CIC: variants seen among roughly 807,000 people sequenced by gnomAD.
CIC encodes capicua transcriptional repressor.
Under a neutral mutation model 115.7 loss-of-function variants are expected in CIC, and 18 were observed. The observed-to-expected ratio is 0.16, with a 90% CI of 0.11 to 0.23. The LOEUF is 0.23. Ranked by LOEUF, CIC falls within the 10% of genes least tolerant of loss-of-function variation. The pLI, the probability that CIC is intolerant of heterozygous loss-of-function variation, is 1.00. For missense variants in CIC, 2,000 were observed against 2,159.3 expected, an observed-to-expected ratio of 0.93 and a Z score of 1.46; for synonymous variants, 1,076 against 923.0, an observed-to-expected ratio of 1.17 and a Z score of -3.01.
rs1222186502 is a variant in CIC, at chr19:42,286,841, C to G, written c.2865C>G (p.Pro955=). 6.2e-7 allele frequency: 1 copy of G among 1,613,838 alleles called. No individual in the cohort carries two copies. The highest frequency in any genetic ancestry group is 1.3e-5 in the African/African-American group (1 of 74,910). The change falls in exon 3 of 21, where the codon CCC becomes CCG. Residue 955 remains proline, a synonymous_variant. Coordinates refer to ENST00000681038, the MANE Select transcript of CIC (RefSeq NM_001386298.1). ...ACTCCTTAGTCCCCTTCCTGGCACC[C>G]AGCCAGCCTGACCCCTCCGTGCAGC... ...PWHSLVPFLA[P]SQPDPSVQPS... is the part of the protein sequence containing the mutation.
In CIC at chr19:42,295,143, G is replaced by GGGGGCCCCCCCC; in HGVS notation, c.7506_7507insGGGGCCCCCCCC (p.Gln2502_Pro2503insGlyAlaProPro). 78 of 1,382,548 alleles carry GGGGGCCCCCCCC rather than the reference G, an allele frequency of 5.6e-5. No individual in the cohort carries two copies. The highest frequency in any genetic ancestry group is 7.3e-5 in the Non-Finnish European group (76 of 1,037,648). The allele number at this position is 1,382,548 out of a possible 1,614,324, so 85.6% of individuals were successfully genotyped here. On this transcript the variant is annotated inframe_insertion, in exon 21 of 21. Coordinates refer to ENST00000681038, the MANE Select transcript of CIC (RefSeq NM_001386298.1). ...AGCCTGGCTGGGAGGGGGCTCCCCAGCCCTCCCCCCCACCCCCAGGTCCCT... is the reference window on the plus strand; with the variant it reads ...AGCCTGGCTGGGAGGGGGCTCCCCAGGGGGCCCCCCCCCCCTCCCCCCCACCCCCAGGTCCCT...
intron 1 of CIC, among the ~76,000 whole-genome samples, chr19:42,271,027 C>G (rs1197818620): frequency 2.3e-5 from 3 of 128,946 alleles, no homozygotes; most frequent in African/African-American, 8.6e-5. Context: ...CAGCTGCCCA[C>G]TTCTTCCCAC....
At chr19:42,277,926 C>G (rs1337108027) in intron 2 of CIC, among the ~76,000 whole-genome samples, 1 of 152,260 alleles carries the variant, frequency 6.6e-6, no homozygotes, top group Admixed American at 6.5e-5. Flanking sequence ...AGGTAGGCAG[C>G]TTGGAGCCTT....
rs1457709422 is a variant in CIC at position 42,293,770 on chromosome 19, C to T, written c.6701C>T (p.Ala2234Val). The change falls in exon 17 of 21, where the codon GCT becomes GTT. Residue 2234 changes from alanine to valine, a missense_variant. This residue lies in a region of CIC where 1,466 missense variants were observed against 1,390.4 expected (regional missense o/e 1.05). Transcript: ENST00000681038. ...GACACCCCGGAGCGCAAGGAGGCGG[C>T]TGGTACTGGCAAGAAGGTGAAGGTG... ...AGDTPERKEA[A>V]GTGKKVKVRP... is the part of the protein sequence containing the mutation. The T allele has an allele frequency of 6.2e-7, 1 of 1,612,842 alleles. No homozygotes were observed. Among genetic ancestry groups the T allele is most frequent in the Admixed American group, 1.7e-5 (1 of 60,022 alleles).
chr19:42,291,798 C>T (rs2038135411), intron 12 of CIC, 53 bp downstream of exon 12: 1 of 1,598,346 alleles, frequency 6.3e-7, no homozygotes, highest in Non-Finnish European at 8.6e-7. Flanking sequence ...TGTACCCCAT[C>T]ATTTCTTTGT....
In CIC at chr19:42,295,239, G is replaced by A; in HGVS notation, c.*48G>A. On this transcript the variant is annotated 3_prime_UTR_variant, in exon 21 of 21. Transcript: ENST00000681038. Reference sequence around the variant, plus strand: ...GACTTATAGTACCCCCTCAGGACATGGACAGTATGTGGGGGCAGGAAGGTT... The same window carrying A: ...GACTTATAGTACCCCCTCAGGACATAGACAGTATGTGGGGGCAGGAAGGTT... 2.7e-6 allele frequency: 4 copies of A among 1,506,030 alleles called. No homozygotes were observed. Among genetic ancestry groups the A allele is most frequent in the Non-Finnish European group, 3.6e-6 (4 of 1,121,586 alleles). The allele number at this position is 1,506,030 out of a possible 1,614,324, so 93.3% of individuals were successfully genotyped here.
Position 42,286,891 on chromosome 19 carries a change from G to C in CIC, c.2915G>C (p.Ser972Thr), listed in dbSNP as rs749218394. Residue 972 changes from serine (S) to threonine (T), a missense_variant, in exon 3 of 21, where the codon AGC (serine) becomes ACC (threonine). By Grantham distance (58) the Ser-to-Thr change is moderately conservative. Coordinates refer to ENST00000681038, the MANE Select transcript of CIC (RefSeq NM_001386298.1). ...VQPSEAQQPA[S>T]HPVASNQSKE... ...CCGAGCGAGGCCCAGCAACCTGCCA[G>C]CCACCCAGTGGCCTCCAACCAGAGC... 1 of 1,612,132 alleles carries C rather than the reference G, an allele frequency of 6.2e-7. No homozygotes were observed. The highest frequency in any genetic ancestry group is 1.7e-5 in the Admixed American group (1 of 59,980).
intron 3 of CIC, 37 bp downstream of exon 3, chr19:42,286,957 T>C (rs780954861): frequency 1.4e-5 from 22 of 1,608,166 alleles, no homozygotes; most frequent in Non-Finnish European, 1.9e-5. Flanking sequence ...GGCAAGGGTG[T>C]GGGGTCCAGG....
Position 42,287,880 on chromosome 19 carries a change from C to T in CIC, c.3563C>T (p.Ser1188Leu). 6.2e-7 allele frequency: 1 copy of T among 1,611,998 alleles called. No homozygotes were observed. Residue 1188 changes from serine to leucine, a missense_variant, in exon 7 of 21, where the codon TCA becomes TTA. Coordinates refer to ENST00000681038, the MANE Select transcript of CIC (RefSeq NM_001386298.1). The surrounding 1 kb of genome is among the most constrained non-coding windows in gnomAD (Gnocchi z 8.7). ...AACAAGGACCGAAAGAAGTCCAGCT[C>T]AGAGGCCAAGCCCACGAGCCTGGGG... is the stretch of plus-strand genomic sequence containing the variant. ...WCNKDRKKSSSEAKPTSLGLA... is the reference protein window; with the variant it reads ...WCNKDRKKSSLEAKPTSLGLA...
intron 2 of CIC, among the ~76,000 whole-genome samples, chr19:42,276,972 G>A (rs2037004404): frequency 6.6e-6 from 1 of 152,176 alleles, no homozygotes; most frequent in Non-Finnish European, 1.5e-5. Flanking sequence ...CCAGTGAGGG[G>A]CAGGATGAGA....
rs1317942237 is a variant in CIC at position 42,274,304 on chromosome 19, C to A, written c.2521C>A (p.Arg841=). The A allele has an allele frequency of 7.5e-6, 3 of 398,664 alleles. No homozygotes were observed. In the South Asian group the frequency reaches 3.8e-4, roughly 51 times the overall value. 24.7% of individuals were successfully genotyped at this position (398,664 alleles called of 1,614,324 possible). A position where few individuals can be genotyped will look rare whatever the true frequency, so the allele number is the denominator to read the frequency against. The change falls in exon 2 of 21, where the codon CGG becomes AGG. Residue 841 remains arginine (R), a synonymous_variant. Coordinates refer to ENST00000681038, the MANE Select transcript of CIC (RefSeq NM_001386298.1). The stretch of plus-strand genomic sequence containing the variant: ...TGAGGTGCGGGCTGGGGGACCTGGG[C>A]GGGGCTGCCGTGAAACCCCAGTGCC... The part of the protein sequence containing the change: ...AGEVRAGGPG[R]GCRETPVPPG...
At chr19:42,291,960 A>C in intron 12 of CIC, 126 bp from the exon 13 acceptor site, 1 of 1,445,638 alleles carries the variant, frequency 6.9e-7, no homozygotes, top group South Asian at 1.1e-5. Flanking sequence ...CATCTTGCCC[A>C]TCCTGTTCTC....
At position 42,292,936 on chromosome 19, in the gene CIC, A is replaced by T. The variant is rs372215479; in HGVS notation, c.6197-20A>T. 1 of 1,613,836 alleles carries T rather than the reference A, an allele frequency of 6.2e-7. No homozygotes were observed. The highest frequency in any genetic ancestry group is 1.7e-5 in the Admixed American group (1 of 60,028). The stretch of plus-strand genomic sequence containing the variant: ...GGCTCCAGTCAGGCCTGGCTCAGCA[A>T]ACAATTTTCTCCCCACTAGCAGGTT... On this transcript the variant is annotated intron_variant, in intron 15 of 20. Transcript: ENST00000681038.
At chr19:42,269,722 A>T (rs1404511267) in intron 1 of CIC, among the ~76,000 whole-genome samples, 1 of 136,792 alleles carries the variant, frequency 7.3e-6, no homozygotes, top group African/African-American at 2.8e-5. Flanking sequence ...AGTGACTGGG[A>T]GGAATAGGTG....
rs1207535933 is a variant in CIC, at chr19:42,274,314, G to C, written c.2531G>C (p.Arg844Pro). The change falls in exon 2 of 21, where the codon CGT (arginine) becomes CCT (proline). Residue 844 changes from arginine (R) to proline (P), a missense_variant. By Grantham distance (103) the Arg-to-Pro change is moderately radical (BLOSUM62 -2). This residue lies in a region of CIC where 222 missense variants were observed against 247.7 expected (regional missense o/e 0.90). Transcript: ENST00000681038. ...GCTGGGGGACCTGGGCGGGGCTGCC[G>C]TGAAACCCCAGTGCCCCCTGGGGTG... ...VRAGGPGRGC[R>P]ETPVPPGVAS... 2 of 398,530 alleles carry C rather than the reference G, an allele frequency of 5.0e-6. No homozygotes were observed. Among genetic ancestry groups the C allele is most frequent in the Non-Finnish European group, 8.8e-6 (2 of 226,100 alleles). 24.7% of individuals were successfully genotyped at this position (398,530 alleles called of 1,614,324 possible). A position where few individuals can be genotyped will look rare whatever the true frequency, so the allele number is the denominator to read the frequency against.
rs1263578818 is a variant in CIC at position 42,288,918 on chromosome 19, A to G, written c.3689A>G (p.Gln1230Arg). The G allele has an allele frequency of 5.0e-6, 8 of 1,613,974 alleles. No homozygotes were observed. Among genetic ancestry groups the G allele is most frequent in the Non-Finnish European group, 6.8e-6 (8 of 1,180,026 alleles). The change falls in exon 8 of 21, where the codon CAG becomes CGG. Residue 1230 changes from glutamine (Q) to arginine (R), a missense_variant. This residue lies in a region of CIC where 1,466 missense variants were observed against 1,390.4 expected (regional missense o/e 1.05). Coordinates refer to ENST00000681038, the MANE Select transcript of CIC (RefSeq NM_001386298.1). ...TCTGAGCTCCTGTCCGTTGCAGCCC[A>G]GACACTCCTGAGCTCAGACACCAAG... ...VSSELLSVAA[Q>R]TLLSSDTKAP...
At chr19:42,286,553 C>T (rs2037656755) in intron 2 of CIC, among the ~76,000 whole-genome samples, 1 of 151,690 alleles carries the variant, frequency 6.6e-6, no homozygotes, top group Non-Finnish European at 1.5e-5. Context: ...GTACTATTTC[C>T]CTTCCCTGCT....
At position 42,293,708 on chromosome 19, in the gene CIC, T is replaced by A. The variant is rs2147333081; in HGVS notation, c.6639T>A (p.Gly2213=). 1.9e-6 allele frequency: 3 copies of A among 1,612,764 alleles called. No individual in the cohort carries two copies. The South Asian group carries it at 3.3e-5, about 18-fold the overall frequency. Residue 2213 remains glycine (G), a synonymous_variant, in exon 17 of 21, where the codon GGT becomes GGA. Coordinates refer to ENST00000681038, the MANE Select transcript of CIC (RefSeq NM_001386298.1). ...CCCCAGCTCCAGCTGTAGCCCCTGG[T>A]GGCAGCAGCGAGAGCAGCAGTGGGC... ...SPAPAPAVAP[G]GSSESSSGRA...
In CIC at chr19:42,291,800, T is replaced by G. The variant is rs1026879326; in HGVS notation, c.5613+55T>G. ...GGATGTTGGCCCCTGTACCCCATCA[T>G]TTCTTTGTCTTTTTTTTCAGTCTTT... On this transcript the variant is annotated intron_variant, in intron 12 of 20. Transcript: ENST00000681038. 5 of 1,598,774 alleles carry G rather than the reference T, an allele frequency of 3.1e-6. No homozygotes were observed. The African/African-American group carries it at 6.7e-5, about 21-fold the overall frequency.
Sources: gnomAD v4.1 joint callset for allele counts (sites outside exome capture counted in the v4.1 genomes callset) on GRCh38, gnomAD v4.1.1 for gene constraint, gnomAD v4.1.1 regional missense constraint, Gnocchi (gnomAD v3.1) non-coding constraint, MANE v1.5 for transcripts, NCBI Gene and HGNC (gene_info 2026-07-23, HGNC 2026-07-21) for gene names.